Variants in NCOR2 observed in about 807,000 individuals in gnomAD.
NCOR2 encodes nuclear receptor corepressor 2, also known as CTG repeat protein 26.
A neutral mutation model predicts 262.9 loss-of-function variants in NCOR2; 81 were observed. That is an observed-to-expected ratio of 0.31 (90% CI 0.26 to 0.37). The LOEUF is 0.37. Among genes scored for constraint, NCOR2 ranks in the 10% least tolerant of loss-of-function variants. The probability of loss-of-function intolerance (pLI) is 1.00; values close to 1 mark genes in which losing one functional copy is unlikely to be tolerated. For synonymous variants in NCOR2, 1,659 were observed against 1,559.3 expected (o/e 1.06, Z -1.51); for missense variants, 3,385 against 3,621.4 (o/e 0.93, Z 1.68).
At chr12:124,563,397 A>G (rs1360268929) in intron 1 of NCOR2, among the ~76,000 whole-genome samples, 1 of 152,242 alleles carries the variant, frequency 6.6e-6, no homozygotes, top group African/African-American at 2.4e-5. Context: ...TAGACATGAT[A>G]ATAACAATGA....
chr12:124,533,913 T>C (rs1251714129), intron 1 of NCOR2, among the ~76,000 whole-genome samples: 1 of 149,996 alleles, frequency 6.7e-6, no homozygotes. Flanking sequence ...TCTGAAAACA[T>C]TATGAGACCT....
At chr12:124,388,615 G>A in intron 16 of NCOR2, 1 of 1,290,454 alleles carries the variant, frequency 7.7e-7, no homozygotes, top group Non-Finnish European at 1.0e-6. Context: ...TCAAATCCCA[G>A]ATGGCCACGT....
At chr12:124,381,794 A>G (rs1310493477) in intron 17 of NCOR2, among the ~76,000 whole-genome samples, 2 of 152,218 alleles carry the variant, frequency 1.3e-5, no homozygotes, top group Admixed American at 1.3e-4. Flanking sequence ...GAGACTGAGG[A>G]ACGTGGAAGC....
chr12:124,378,143 G>A lies in NCOR2; in HGVS notation c.2167+94C>T. The A allele has an allele frequency of 1.3e-6, 2 of 1,537,718 alleles. No individual in the cohort carries two copies. The highest frequency in any genetic ancestry group is 1.7e-6 in the Non-Finnish European group (2 of 1,143,158). On this transcript the variant is annotated intron_variant, in intron 18 of 46. Coordinates refer to ENST00000405201, the Ensembl canonical transcript of NCOR2. This position sits in a 1 kb window ranked among gnomAD's most constrained non-coding sequence, Gnocchi z 4.2. ...CTAAGGAGGACCCAGATGACTCAGG[G>A]GAGAGGAGGCTGCCGGGATCAGTTC...
intron 4 of NCOR2, among the ~76,000 whole-genome samples, chr12:124,471,480 G>C (rs573859946): frequency 2.1e-4 from 32 of 152,366 alleles, no homozygotes; most frequent in Admixed American, 8.5e-4. Context: ...TTAACAGGGA[G>C]ACAAGGAGAG....
chr12:124,449,702 G>T, intron 7 of NCOR2, 113 bp downstream of exon 9: 1 of 1,251,600 alleles, frequency 8.0e-7, no homozygotes, highest in East Asian at 2.9e-5. Flanking sequence ...GGCCCTGGCC[G>T]GGAGCCCCTG....
intron 1 of NCOR2, among the ~76,000 whole-genome samples, chr12:124,525,829 A>G (rs1044849717): frequency 2.0e-5 from 3 of 152,226 alleles, no homozygotes; most frequent in Non-Finnish European, 4.4e-5. Flanking sequence ...GCGACCTTGG[A>G]CAAGTCCCCT....
chr12:124,466,974 C>T (rs1046218963), intron 4 of NCOR2, among the ~76,000 whole-genome samples: 14 of 150,114 alleles, frequency 9.3e-5, no homozygotes, highest in Non-Finnish European at 1.6e-4. Context: ...CCTCATCACC[C>T]CCATCATCCT....
chr12:124,393,766 T>C (rs1327282638), intron 16 of NCOR2, among the ~76,000 whole-genome samples: 2 of 152,226 alleles, frequency 1.3e-5, no homozygotes, highest in East Asian at 1.9e-4. Context: ...GTTTCCTCAT[T>C]TGAATAACAG....
At chr12:124,326,094 G>A (rs1412312119) in intron 46 of NCOR2, 97 bp downstream of exon 48, 2 of 1,292,544 alleles carry the variant, frequency 1.5e-6, no homozygotes, top group Admixed American at 6.5e-5. Flanking sequence ...TCTGAGCTCT[G>A]CATGCAGCAG....
At position 124,406,337 on chromosome 12, in the gene NCOR2, T is replaced by A. The variant is rs991547743; in HGVS notation, c.1483-3776A>T. Among the ~76,000 whole-genome samples, 3 of 152,136 alleles carry A rather than the reference T, an allele frequency of 2.0e-5. No homozygotes were observed. The South Asian group carries it at 6.2e-4, about 32-fold the overall frequency. ...ACCCACACCTGCAGGTGCACACACATCCCCTGCCAATTCCCACTCAGTCGG... is the reference window on the plus strand; with the variant it reads ...ACCCACACCTGCAGGTGCACACACAACCCCTGCCAATTCCCACTCAGTCGG... On this transcript the variant is annotated intron_variant, in intron 13 of 46. Transcript: ENST00000405201.
intron 5 of NCOR2, among the ~76,000 whole-genome samples, chr12:124,459,427 G>A (rs1360279331): frequency 1.3e-5 from 2 of 152,090 alleles, no homozygotes; most frequent in East Asian, 3.9e-4. Context: ...GGTCTTCTCT[G>A]GTCCTGCTTG....
chr12:124,360,165 C>T (rs1440126323), intron 22 of NCOR2, among the ~76,000 whole-genome samples: 1 of 152,224 alleles, frequency 6.6e-6, no homozygotes, highest in Non-Finnish European at 1.5e-5. Flanking sequence ...TGCTGGGGCC[C>T]CTGACATGGA....
In NCOR2 at chr12:124,448,683, C is replaced by T. The variant is rs144879849; in HGVS notation, c.815+1132G>A. 2.2e-3 allele frequency among the ~76,000 whole-genome samples: 332 copies of T among 151,968 alleles called. 3 individuals carry two copies. The highest frequency in any genetic ancestry group is 7.4e-3 in the African/African-American group (305 of 41,404). ...GTTGATCACCTGAGCTTGGACCAGT[C>T]GCGCAACTCTGGAAACTACAACAGC... On this transcript the variant is annotated intron_variant, in intron 7 of 46. Coordinates refer to ENST00000405201, the Ensembl canonical transcript of NCOR2.
Position 124,371,335 on chromosome 12 carries a change from C to G in NCOR2, c.2807+687G>C, listed in dbSNP as rs112965534. On this transcript the variant is annotated intron_variant, in intron 20 of 46. Coordinates refer to ENST00000405201, the Ensembl canonical transcript of NCOR2. ...CACCACGCTGAGGGTAGAACTGTGT[C>G]CCCCCAGAGAAGGTACATTCAAGTC... 9.3e-3 allele frequency among the ~76,000 whole-genome samples: 1,421 copies of G among 152,172 alleles called. 14 individuals carry two copies. Among genetic ancestry groups the G allele is most frequent in the Non-Finnish European group, 0.015 (1,036 of 68,010 alleles).
Position 124,457,128 on chromosome 12 carries a change from C to A in NCOR2, c.740G>T (p.Gly247Val). The A allele has an allele frequency of 6.5e-7, 1 of 1,529,424 alleles. No individual in the cohort carries two copies. Among genetic ancestry groups the A allele is most frequent in the Admixed American group, 2.6e-5 (1 of 39,186 alleles). 94.7% of individuals were successfully genotyped at this position (1,529,424 alleles called of 1,614,324 possible). The change falls in exon 6 of 47, where the codon GGC becomes GTC. Residue 247 changes from glycine (G) to valine (V), a missense_variant. Around this residue, in one of 5 missense-constraint regions of NCOR2, gnomAD observed 515 missense variants for 781.2 expected, o/e 0.66. Transcript: ENST00000405201. The surrounding 1 kb of genome is among the most constrained non-coding windows in gnomAD (Gnocchi z 4.0). ...CACCAGCTCCACCTGGGGCCCCAGG[C>A]CTTCCAGAATCCGATGTGCAGCTTC...
chr12:124,489,621 T>C (rs2047970050), intron 1 of NCOR2, among the ~76,000 whole-genome samples: 1 of 151,312 alleles, frequency 6.6e-6, no homozygotes, highest in Non-Finnish European at 1.5e-5. Flanking sequence ...ATTCAGGTGA[T>C]GCCCCCTGGC....
rs1376930810 is a variant in NCOR2 at position 124,457,227 on chromosome 12, A to C, written c.706-65T>G. On this transcript the variant is annotated intron_variant, in intron 5 of 46. Coordinates refer to ENST00000405201, the Ensembl canonical transcript of NCOR2. This position sits in a 1 kb window ranked among gnomAD's most constrained non-coding sequence, Gnocchi z 4.0. ...ACAAAAAAACACAGATTATAAATAG[A>C]GGCTTCCCGGAGCAGCGGGCACCTG... 1 of 1,479,224 alleles carries C rather than the reference A, an allele frequency of 6.8e-7. No homozygotes were observed. Among genetic ancestry groups the C allele is most frequent in the Admixed American group, 2.7e-5 (1 of 36,510 alleles). 91.6% of individuals were successfully genotyped at this position (1,479,224 alleles called of 1,614,324 possible).
intron 19 of NCOR2, among the ~76,000 whole-genome samples, chr12:124,374,094 A>G (rs2039786770): frequency 6.6e-6 from 1 of 152,084 alleles, no homozygotes; most frequent in African/African-American, 2.4e-5. Flanking sequence ...AATGTCTCCC[A>G]TTTTCTGTAA....
Sources: allele counts gnomAD v4.1 joint callset (sites outside exome capture counted in the v4.1 genomes callset), GRCh38; gene constraint gnomAD v4.1.1; regional missense constraint gnomAD v4.1.1; non-coding constraint Gnocchi (gnomAD v3.1); transcripts MANE v1.5; gene names NCBI Gene and HGNC (gene_info 2026-07-23, HGNC 2026-07-21).